CSNK2A2: variants seen among roughly 807,000 people sequenced by gnomAD.
The protein encoded by CSNK2A2 is casein kinase 2 alpha 2.
A neutral mutation model predicts 54.0 loss-of-function variants in CSNK2A2; 8 were observed. The ratio of observed to expected loss-of-function variants is 0.15; its 90% CI spans 0.09 to 0.27. The LOEUF is 0.27. Among genes scored for constraint, CSNK2A2 ranks in the 10% least tolerant of loss-of-function variants. The pLI is 1.00. For missense variants in CSNK2A2, 242 were observed against 439.4 expected (o/e 0.55, Z 4.02); for synonymous variants, 141 against 153.9 (o/e 0.92, Z 0.62).
chr16:58,164,199 G>A (rs1458294123), intron 10 of CSNK2A2, 52 bp from the exon 11 acceptor site: 43 of 1,558,970 alleles, frequency 2.8e-5, no homozygotes, highest in Non-Finnish European at 3.8e-5. Flanking sequence ...AGTGCTGAGA[G>A]AAGCCCATGG....
intron 5 of CSNK2A2, among the ~76,000 whole-genome samples, chr16:58,172,452 T>C (rs143952740): frequency 2.0e-5 from 3 of 152,326 alleles, no homozygotes; most frequent in African/African-American, 2.4e-5. Context: ...TCAGCCTCAG[T>C]TGCTTCTACA....
chr16:58,173,591 TAGTA>T (rs1961797273), intron 5 of CSNK2A2, among the ~76,000 whole-genome samples: 1 of 152,190 alleles, frequency 6.6e-6, no homozygotes, highest in South Asian at 2.1e-4. Flanking sequence ...TGCTTGGGAT[TAGTA>T]AGTCTCTTAG....
chr16:58,197,302 G>C lies in CSNK2A2; in HGVS notation c.104+331C>G, dbSNP rs1962483054. On this transcript the variant is annotated intron_variant, in intron 1 of 11. Transcript: ENST00000262506. The surrounding 1 kb of genome is among the most constrained non-coding windows in gnomAD (Gnocchi z 4.0). Reference sequence around the variant, plus strand: ...TTAATAGCTCCAAAGGACAGCTGTTGACTTCCCACCCCAGTGGAAACCCAG... The same window carrying C: ...TTAATAGCTCCAAAGGACAGCTGTTCACTTCCCACCCCAGTGGAAACCCAG... The C allele has an allele frequency of 3.3e-6, 1 of 305,484 alleles. No individual in the cohort carries two copies. The highest frequency in any genetic ancestry group is 4.8e-5 in the Admixed American group (1 of 20,940). 18.9% of individuals were successfully genotyped at this position (305,484 alleles called of 1,614,324 possible). A position where few individuals can be genotyped will look rare whatever the true frequency, so the allele number is the denominator to read the frequency against.
intron 2 of CSNK2A2, among the ~76,000 whole-genome samples, chr16:58,188,259 T>C (rs1008780053): frequency 1.3e-5 from 2 of 152,196 alleles, no homozygotes; most frequent in Non-Finnish European, 2.9e-5. Context: ...ACACCCGCTC[T>C]CCGCCCGCTG....
intron 4 of CSNK2A2, among the ~76,000 whole-genome samples, chr16:58,175,442 A>G (rs1392286050): frequency 2.6e-5 from 4 of 152,202 alleles, no homozygotes; most frequent in Non-Finnish European, 4.4e-5. Flanking sequence ...AGACTCAAGC[A>G]ATGTAGGGAA....
chr16:58,167,164 C>A, intron 8 of CSNK2A2, 43 bp downstream of exon 8: 2 of 1,423,412 alleles, frequency 1.4e-6, no homozygotes, highest in South Asian at 1.2e-5. Flanking sequence ...ATTTTTTTGG[C>A]ATTCACCCCC....
chr16:58,160,689 A>G (rs1206304416), intron 11 of CSNK2A2: 1 of 152,156 alleles, frequency 6.6e-6, no homozygotes, highest in African/African-American at 2.4e-5. Flanking sequence ...TAAACTTGGT[A>G]CCCTCTAATT....
chr16:58,170,831 AT>A (rs1035388229), intron 5 of CSNK2A2, among the ~76,000 whole-genome samples: 29 of 152,164 alleles, frequency 1.9e-4, no homozygotes, highest in South Asian at 4.2e-4. Flanking sequence ...GTTAAGCTCC[AT>A]TTTTTTAATG....
chr16:58,163,399 G>A (rs1377108402), intron 11 of CSNK2A2: 1 of 152,076 alleles, frequency 6.6e-6, no homozygotes, highest in Non-Finnish European at 1.5e-5. Flanking sequence ...ACCAGTTCAT[G>A]GCATTGCAAG....
intron 9 of CSNK2A2, among the ~76,000 whole-genome samples, chr16:58,166,228 T>G (rs544676865): frequency 1.2e-4 from 18 of 152,312 alleles, no homozygotes; most frequent in Admixed American, 6.5e-4. Flanking sequence ...TGAAGAGATA[T>G]GAAGTAAATA....
intron 2 of CSNK2A2, among the ~76,000 whole-genome samples, chr16:58,190,891 G>A (rs1270919225): frequency 6.6e-6 from 1 of 152,190 alleles, no homozygotes; most frequent in Non-Finnish European, 1.5e-5. Flanking sequence ...ATACCCAAAA[G>A]AAGTGAAGCA....
chr16:58,196,438 T>C (rs756985791), intron 2 of CSNK2A2, among the ~76,000 whole-genome samples: 2 of 152,176 alleles, frequency 1.3e-5, no homozygotes, highest in Non-Finnish European at 1.5e-5. Context: ...CTGGGCAACA[T>C]GACCAGACCC....
At chr16:58,194,191 A>G (rs551678654) in intron 2 of CSNK2A2, among the ~76,000 whole-genome samples, 85 of 152,330 alleles carry the variant, frequency 5.6e-4, no homozygotes, top group Non-Finnish European at 1.0e-3. Context: ...TTTTACAAAA[A>G]GGAAGGCTGT....
At chr16:58,179,750 GGGTT>G (rs1356220719) in intron 4 of CSNK2A2, among the ~76,000 whole-genome samples, 40 of 152,202 alleles carry the variant, frequency 2.6e-4, no homozygotes, top group African/African-American at 9.4e-4. Flanking sequence ...ATGACGCTTA[GGGTT>G]GTACAAACTT....
intron 1 of CSNK2A2, 99 bp from the exon 2 acceptor site, chr16:58,196,943 T>C (rs368308946): frequency 1.3e-6 from 1 of 798,566 alleles, no homozygotes; most frequent in South Asian, 1.4e-5. Flanking sequence ...AGGCAAACAC[T>C]TGGAAGTGTC....
At chr16:58,180,374 T>G (rs564702172) in intron 4 of CSNK2A2, among the ~76,000 whole-genome samples, 31 of 150,588 alleles carry the variant, frequency 2.1e-4, no homozygotes, top group African/African-American at 6.8e-4. Context: ...CTCCAGAGTT[T>G]TTTTTTTTTT....
In CSNK2A2 at chr16:58,197,378, A is replaced by T. The variant is rs1318288961; in HGVS notation, c.104+255T>A. Among the ~76,000 whole-genome samples, 1 of 152,134 alleles carries T rather than the reference A, an allele frequency of 6.6e-6. No homozygotes were observed. The highest frequency in any genetic ancestry group is 1.5e-5 in the Non-Finnish European group (1 of 68,020). The stretch of plus-strand genomic sequence containing the variant: ...ACTTCCACCCGGCGTCGATCCCTGG[A>T]CCCCACACTTCTCCCCGAGTAAAAA... On this transcript the variant is annotated intron_variant, in intron 1 of 11. Transcript: ENST00000262506. The surrounding 1 kb of genome is among the most constrained non-coding windows in gnomAD (Gnocchi z 4.0).
rs929626196 is a variant in CSNK2A2, at chr16:58,171,652, C to T, written c.429+2799G>A. Reference sequence around the variant, plus strand: ...TGCAGGATGTTCACAATATCCTCTACCAGCCCTGTCCAATAGGACCTTCTG... The same window carrying T: ...TGCAGGATGTTCACAATATCCTCTATCAGCCCTGTCCAATAGGACCTTCTG... On this transcript the variant is annotated intron_variant, in intron 5 of 11. Transcript: ENST00000262506. Among the ~76,000 whole-genome samples the T allele has an allele frequency of 2.0e-5, 3 of 152,148 alleles. No homozygotes were observed. In the South Asian group the frequency reaches 6.2e-4, roughly 32 times the overall value.
chr16:58,168,792 G>A (rs1961644925), intron 5 of CSNK2A2, 99 bp from the exon 6 acceptor site: 4 of 898,576 alleles, frequency 4.5e-6, no homozygotes, highest in African/African-American at 1.7e-5. Context: ...CTTGAATACA[G>A]TCCCCCAACG....
Sources: gnomAD v4.1 joint callset for allele counts (sites outside exome capture counted in the v4.1 genomes callset) on GRCh38, gnomAD v4.1.1 for gene constraint, Gnocchi (gnomAD v3.1) non-coding constraint, MANE v1.5 for transcripts, NCBI Gene and HGNC (gene_info 2026-07-23, HGNC 2026-07-21) for gene names.